The following HFM1 variants were observed in gnomAD, a reference collection of about 807,000 sequenced individuals.
The protein encoded by HFM1 is helicase for meiosis 1.
Under a neutral mutation model 192.1 loss-of-function variants are expected in HFM1, and 169 were observed. The ratio of observed to expected loss-of-function variants is 0.88; its 90% CI spans 0.78 to 1.00. HFM1 has a LOEUF of 1.00. Among genes scored for constraint, HFM1 ranks in the 50% least tolerant of loss-of-function variants. The probability of loss-of-function intolerance (pLI) is 0.00; values close to 1 mark genes in which losing one functional copy is unlikely to be tolerated. For synonymous variants in HFM1, 525 were observed against 537.8 expected (o/e 0.98, Z 0.33); for missense variants, 1,661 against 1,668.0 (o/e 1.00, Z 0.07).
intron 30 of HFM1, among the ~76,000 whole-genome samples, chr1:91,304,361 G>C (rs1649295113): frequency 6.6e-6 from 1 of 151,856 alleles, no homozygotes; most frequent in South Asian, 2.1e-4. Flanking sequence ...TTTTTTCTTT[G>C]GTTACTTGAG....
At chr1:91,329,602 CA>C (rs1465762667) in intron 20 of HFM1, 1 of 972,316 alleles carries the variant, frequency 1.0e-6, no homozygotes, top group Non-Finnish European at 1.5e-6. Context: ...GAAACCTTCA[CA>C]GGGGTGGAGA....
chr1:91,316,690 T>C (rs1414385170), intron 25 of HFM1, among the ~76,000 whole-genome samples: 1 of 152,188 alleles, frequency 6.6e-6, no homozygotes, highest in Non-Finnish European at 1.5e-5. Flanking sequence ...AAATATGCAT[T>C]TGCTTTATAA....
chr1:91,272,761 C>T (rs573283185), intron 34 of HFM1, among the ~76,000 whole-genome samples: 60 of 151,976 alleles, frequency 3.9e-4, no homozygotes, highest in African/African-American at 1.4e-3. Context: ...ATTATTGGGC[C>T]TAATAGCTGC....
intron 30 of HFM1, among the ~76,000 whole-genome samples, chr1:91,298,236 G>GA (rs1235505452): frequency 6.6e-6 from 1 of 152,060 alleles, no homozygotes; most frequent in African/African-American, 2.4e-5. Context: ...GAAGTTTAGA[G>GA]AAAAAAGAAT....
chr1:91,351,061 T>C lies in HFM1; in HGVS notation c.2073-190A>G, dbSNP rs1656870837. ...CTAAAAGGCTTCAGATATACCTCTC[T>C]ACTCTATGGCTGTAGAAGACAGGTT... On this transcript the variant is annotated intron_variant, in intron 17 of 38. Transcript: ENST00000370425. Among the ~76,000 whole-genome samples the C allele has an allele frequency of 2.0e-5, 3 of 152,160 alleles. No homozygotes were observed. The South Asian group carries it at 6.2e-4, about 32-fold the overall frequency.
At chr1:91,304,529 C>T (rs1385540728) in intron 30 of HFM1, among the ~76,000 whole-genome samples, 3 of 151,806 alleles carry the variant, frequency 2.0e-5, no homozygotes, top group Non-Finnish European at 4.4e-5. Context: ...TGCAATGGAG[C>T]GATCTTGGCT....
In HFM1 at chr1:91,364,607, CAT is replaced by C. The variant is rs202070365; in HGVS notation, c.1685+10749_1685+10750del. The stretch of plus-strand genomic sequence containing the variant: ...GTGTGTATATATACATATACATATA[CAT>C]ATATATATATATATATATATATATT... On this transcript the variant is annotated intron_variant, in intron 13 of 38. Transcript: ENST00000370425. Among the ~76,000 whole-genome samples the C allele has an allele frequency of 1.1e-3, 110 of 97,908 alleles. 5 individuals carry two copies. The highest frequency in any genetic ancestry group is 0.011 in the Middle Eastern group (2 of 178). The allele number at this position is 97,908 out of a possible 152,430, so 64.2% of individuals were successfully genotyped here. A position where few individuals can be genotyped will look rare whatever the true frequency, so the allele number is the denominator to read the frequency against.
intron 20 of HFM1, among the ~76,000 whole-genome samples, chr1:91,340,781 G>T (rs1293614621): frequency 6.6e-6 from 1 of 152,090 alleles, no homozygotes; most frequent in African/African-American, 2.4e-5. Context: ...AACAAAAAAA[G>T]CAGGGGTTGC....
chr1:91,334,941 A>C (rs2101566042), intron 20 of HFM1, among the ~76,000 whole-genome samples: 1 of 152,230 alleles, frequency 6.6e-6, no homozygotes, highest in South Asian at 2.1e-4. Context: ...AAAAAAAAAA[A>C]AAAAGTTACT....
intron 31 of HFM1, 61 bp from the exon 32 acceptor site, chr1:91,276,804 A>G (rs1666864709): frequency 2.2e-6 from 2 of 918,362 alleles, no homozygotes; most frequent in Non-Finnish European, 3.2e-6. Context: ...TATAAAGTCA[A>G]ATTTCTTTAA....
chr1:91,350,108 G>A (rs1656728045), intron 18 of HFM1, among the ~76,000 whole-genome samples: 1 of 152,076 alleles, frequency 6.6e-6, no homozygotes, highest in African/African-American at 2.4e-5. Context: ...TAAGTGATAT[G>A]AGTATTTATA....
chr1:91,267,353 T>C (rs1665860848), intron 35 of HFM1, among the ~76,000 whole-genome samples: 1 of 152,172 alleles, frequency 6.6e-6, no homozygotes, highest in African/African-American at 2.4e-5. Context: ...TGCAAGCAGA[T>C]GAATAGTTTT....
rs1661478271 is a variant in HFM1 at position 91,380,901 on chromosome 1, A to G, written c.873+11T>C. 2 of 1,179,150 alleles carry G rather than the reference A, an allele frequency of 1.7e-6. No homozygotes were observed. Among genetic ancestry groups the G allele is most frequent in the Non-Finnish European group, 2.5e-6 (2 of 796,586 alleles). 73.0% of individuals were successfully genotyped at this position (1,179,150 alleles called of 1,614,324 possible). A position where few individuals can be genotyped will look rare whatever the true frequency, so the allele number is the denominator to read the frequency against. Reference sequence around the variant, plus strand: ...AGGTAGAAAAATAAATAAGTAAAATAAAATACTTACATCATCAAAGGCCTT... The same window carrying G: ...AGGTAGAAAAATAAATAAGTAAAATGAAATACTTACATCATCAAAGGCCTT... On this transcript the variant is annotated intron_variant, in intron 7 of 38. Coordinates refer to ENST00000370425, the MANE Select transcript of HFM1 (RefSeq NM_001017975.6).
At chr1:91,309,346 T>G (rs919043585) in intron 30 of HFM1, among the ~76,000 whole-genome samples, 2 of 152,212 alleles carry the variant, frequency 1.3e-5, no homozygotes, top group Non-Finnish European at 2.9e-5. Context: ...TTTTGTAGAT[T>G]TAGTTACAGA....
chr1:91,349,016 G>A lies in HFM1; in HGVS notation c.2207-1540C>T, dbSNP rs143149961. ...AAAAATATGCCACAAGGCCAGGCAT[G>A]GTGGCTCACACCTGTAATACCAGCA... On this transcript the variant is annotated intron_variant, in intron 18 of 38. Coordinates refer to ENST00000370425, the MANE Select transcript of HFM1 (RefSeq NM_001017975.6). 2.3e-3 allele frequency among the ~76,000 whole-genome samples: 344 copies of A among 152,292 alleles called. 2 individuals carry two copies. The highest frequency in any genetic ancestry group is 6.1e-3 in the Admixed American group (94 of 15,302).
chr1:91,392,499 GAA>G (rs1663128171), intron 4 of HFM1, among the ~76,000 whole-genome samples: 2 of 152,028 alleles, frequency 1.3e-5, no homozygotes, highest in African/African-American at 4.8e-5. Context: ...CGTAAGGAAA[GAA>G]AACCAAACAC....
At chr1:91,320,079 T>C (rs1248671820) in intron 23 of HFM1, among the ~76,000 whole-genome samples, 1 of 152,232 alleles carries the variant, frequency 6.6e-6, no homozygotes, top group Non-Finnish European at 1.5e-5. Context: ...GGCATTGATA[T>C]GCAAATCACT....
chr1:91,328,325 C>G, intron 20 of HFM1: 1 of 1,487,834 alleles, frequency 6.7e-7, no homozygotes, highest in Non-Finnish European at 9.0e-7. Flanking sequence ...CTGAATCAAG[C>G]TTTAGCCGCC....
chr1:91,377,184 G>T (rs536702035), intron 11 of HFM1, among the ~76,000 whole-genome samples: 1 of 151,702 alleles, frequency 6.6e-6, no homozygotes, highest in Non-Finnish European at 1.5e-5. Flanking sequence ...AAAGATAAAC[G>T]CTAGGATTTA....
Sources: allele counts gnomAD v4.1 joint callset (sites outside exome capture counted in the v4.1 genomes callset), GRCh38; gene constraint gnomAD v4.1.1; transcripts MANE v1.5; gene names NCBI Gene and HGNC (gene_info 2026-07-23, HGNC 2026-07-21).